LINGO2: variants seen among roughly 807,000 people sequenced by gnomAD.
The protein encoded by LINGO2 is leucine rich repeat and Ig domain containing 2.
In LINGO2, 14 loss-of-function variants were observed where a neutral mutation model predicts 30.6. The observed-to-expected ratio is 0.46, with a 90% CI of 0.30 to 0.72. LINGO2 has a LOEUF of 0.72. LINGO2 is among the 30% of genes least tolerant of loss of function. The probability of loss-of-function intolerance (pLI) is 0.07; values close to 1 mark genes in which losing one functional copy is unlikely to be tolerated. For synonymous variants in LINGO2, 317 were observed against 288.5 expected (o/e 1.10, Z -1.00); for missense variants, 729 against 751.7 (o/e 0.97, Z 0.35).
chr9:28,306,283 T>G (rs1824349975), intron 3 of LINGO2, among the ~76,000 whole-genome samples: 1 of 150,502 alleles, frequency 6.6e-6, no homozygotes, highest in Non-Finnish European at 1.5e-5. Context: ...ATGAAGAAGG[T>G]GAAAAGGAAA....
chr9:28,950,153 A>G, the LINGO2 span, among the ~76,000 whole-genome samples: 1 of 152,360 alleles, frequency 6.6e-6, no homozygotes, highest in African/African-American at 2.4e-5. Flanking sequence ...GCACATGATT[A>G]TTTCAGTAGA....
chr9:28,927,883 C>T, the LINGO2 span, among the ~76,000 whole-genome samples: 1 of 152,204 alleles, frequency 6.6e-6, no homozygotes, highest in Non-Finnish European at 1.5e-5. Flanking sequence ...CCACATAGCT[C>T]ATAAGTGACA....
At chr9:28,161,011 CA>C (rs1219643581) in intron 4 of LINGO2, among the ~76,000 whole-genome samples, 2 of 152,118 alleles carry the variant, frequency 1.3e-5, no homozygotes, top group Admixed American at 6.6e-5. Context: ...GGAGACTTCC[CA>C]AAGTGGCCTC....
the LINGO2 span, among the ~76,000 whole-genome samples, chr9:28,858,389 C>A: frequency 1.6e-4 from 24 of 151,974 alleles, no homozygotes; most frequent in Admixed American, 4.6e-4. Context: ...TGCTCCTGAC[C>A]CCAATGTAGA....
chr9:28,425,594 A>G (rs1457972861), intron 2 of LINGO2, among the ~76,000 whole-genome samples: 1 of 151,992 alleles, frequency 6.6e-6, no homozygotes, highest in Non-Finnish European at 1.5e-5. Flanking sequence ...CTGTGTTGAT[A>G]AGGGCAATAT....
the LINGO2 span, among the ~76,000 whole-genome samples, chr9:28,890,325 T>C: frequency 1.3e-5 from 2 of 152,092 alleles, no homozygotes; most frequent in African/African-American, 2.4e-5. Flanking sequence ...ACTGAGACCA[T>C]ATCTCCATAT....
chr9:28,941,308 G>A, the LINGO2 span, among the ~76,000 whole-genome samples: 5 of 152,194 alleles, frequency 3.3e-5, no homozygotes, highest in African/African-American at 1.2e-4. Flanking sequence ...ATTTAATTAT[G>A]CTGCAATAAT....
the LINGO2 span, among the ~76,000 whole-genome samples, chr9:28,683,830 G>A: frequency 6.2e-4 from 94 of 152,264 alleles, 2 homozygotes; most frequent in Middle Eastern, 0.024. Flanking sequence ...GAGAAACTGT[G>A]TGCCTAGCAC....
chr9:28,026,093 T>G (rs913994976), intron 4 of LINGO2, among the ~76,000 whole-genome samples: 1 of 152,200 alleles, frequency 6.6e-6, no homozygotes, highest in Non-Finnish European at 1.5e-5. Context: ...TACAACTGTT[T>G]GCTTTTACCT....
chr9:28,886,666 G>A, the LINGO2 span, among the ~76,000 whole-genome samples: 29 of 152,014 alleles, frequency 1.9e-4, no homozygotes, highest in Non-Finnish European at 2.9e-5. Flanking sequence ...CGCTTTTACA[G>A]GTGAAAGTCT....
At chr9:28,041,113 A>T (rs184387612) in intron 4 of LINGO2, among the ~76,000 whole-genome samples, 22 of 152,352 alleles carry the variant, frequency 1.4e-4, no homozygotes, top group Admixed American at 3.9e-4. Flanking sequence ...AGCTACCACT[A>T]TTGTTGACTG....
chr9:29,201,283 C>T, the LINGO2 span, among the ~76,000 whole-genome samples: 242 of 152,116 alleles, frequency 1.6e-3, no homozygotes, highest in Non-Finnish European at 2.7e-3. Context: ...TCAGCATGAA[C>T]GCATGGATAT....
the LINGO2 span, among the ~76,000 whole-genome samples, chr9:28,910,562 T>C: frequency 6.6e-6 from 1 of 152,024 alleles, no homozygotes; most frequent in Admixed American, 6.6e-5. Context: ...AACTTCCCCC[T>C]TGCTGTTCTG....
intron 1 of LINGO2, among the ~76,000 whole-genome samples, chr9:28,489,343 T>G (rs1019034093): frequency 4.6e-5 from 7 of 152,138 alleles, no homozygotes; most frequent in Non-Finnish European, 1.0e-4. Flanking sequence ...CTAATTTTTG[T>G]ATTTTTAGTA....
chr9:28,809,745 C>CAAAAAA, the LINGO2 span, among the ~76,000 whole-genome samples: 2 of 96,480 alleles, frequency 2.1e-5, no homozygotes, highest in East Asian at 3.1e-4. Context: ...GACTCTGTCT[C>CAAAAAA]AAAAAAAAAA....
At chr9:29,107,864 C>T in the LINGO2 span, among the ~76,000 whole-genome samples, 1 of 145,216 alleles carries the variant, frequency 6.9e-6, no homozygotes, top group Non-Finnish European at 1.5e-5. Context: ...CTCTACTTTT[C>T]ACCCTCCCCT....
chr9:28,350,549 T>C (rs1449920030), intron 3 of LINGO2, among the ~76,000 whole-genome samples: 2 of 144,716 alleles, frequency 1.4e-5, no homozygotes, highest in Admixed American at 1.4e-4. Flanking sequence ...ACATTAATAA[T>C]GGGAGACTTT....
chr9:28,124,573 G>T (rs1443804315), intron 4 of LINGO2, among the ~76,000 whole-genome samples: 1 of 152,114 alleles, frequency 6.6e-6, no homozygotes, highest in Non-Finnish European at 1.5e-5. Context: ...AATAGTTTAT[G>T]GATGCACATA....
intron 1 of LINGO2, among the ~76,000 whole-genome samples, chr9:28,564,897 T>C (rs1042317238): frequency 2.0e-5 from 3 of 152,042 alleles, no homozygotes; most frequent in African/African-American, 7.2e-5. Flanking sequence ...CATTGCAGAG[T>C]TCTATGGCAC....
Sources: gnomAD v4.1 joint callset for allele counts (sites outside exome capture counted in the v4.1 genomes callset) on GRCh38, gnomAD v4.1.1 for gene constraint, MANE v1.5 for transcripts, NCBI Gene and HGNC (gene_info 2026-07-23, HGNC 2026-07-21) for gene names.